HPSE2: variants seen among roughly 807,000 people sequenced by gnomAD.
The protein encoded by HPSE2 is inactive heparanase-2.
In HPSE2, 38 loss-of-function variants were observed where a neutral mutation model predicts 60.5. The ratio of observed to expected loss-of-function variants is 0.63; its 90% CI spans 0.48 to 0.82. HPSE2 has a LOEUF of 0.82. Ranked by LOEUF, HPSE2 falls within the 40% of genes least tolerant of loss-of-function variation. The pLI is 0.00. For missense variants in HPSE2, 713 were observed against 740.4 expected, an observed-to-expected ratio of 0.96 and a Z score of 0.43; for synonymous variants, 295 against 293.2, an observed-to-expected ratio of 1.01 and a Z score of -0.06.
chr10:99,101,589 A>G (rs1171775186), intron 3 of HPSE2, among the ~76,000 whole-genome samples: 1 of 152,214 alleles, frequency 6.6e-6, no homozygotes, highest in Non-Finnish European at 1.5e-5. Flanking sequence ...GACAGAAGTT[A>G]ACAAGGATAT....
intron 3 of HPSE2, among the ~76,000 whole-genome samples, chr10:99,043,276 A>G (rs1369758286): frequency 1.3e-5 from 2 of 152,138 alleles, no homozygotes; most frequent in African/African-American, 4.8e-5. Context: ...TGAGGTCAGG[A>G]GATCGAGACC....
chr10:98,772,036 A>G (rs1021513594), intron 3 of HPSE2, among the ~76,000 whole-genome samples: 15 of 152,304 alleles, frequency 9.8e-5, no homozygotes, highest in African/African-American at 3.6e-4. Context: ...AAGTTCAGTG[A>G]TGGCTGTTAT....
At chr10:98,900,691 T>C (rs550484056) in intron 3 of HPSE2, among the ~76,000 whole-genome samples, 54 of 152,152 alleles carry the variant, frequency 3.5e-4, no homozygotes, top group Non-Finnish European at 5.0e-4. Flanking sequence ...AGATAAAATG[T>C]AAAATACTAA....
chr10:98,865,860 G>C (rs1444656255), intron 3 of HPSE2, among the ~76,000 whole-genome samples: 1 of 152,068 alleles, frequency 6.6e-6, no homozygotes, highest in Non-Finnish European at 1.5e-5. Flanking sequence ...GCTCTAGACT[G>C]AACATTGCTC....
intron 6 of HPSE2, among the ~76,000 whole-genome samples, chr10:98,656,317 C>T (rs974302767): frequency 6.6e-6 from 1 of 152,138 alleles, no homozygotes; most frequent in Non-Finnish European, 1.5e-5. Context: ...AATCTCCTGA[C>T]CTCGTGATCC....
chr10:98,472,815 G>A (rs554482705), intron 11 of HPSE2, among the ~76,000 whole-genome samples: 5 of 124,074 alleles, frequency 4.0e-5, no homozygotes, highest in Non-Finnish European at 6.6e-5. Flanking sequence ...TGTATGTCAA[G>A]ATAATACTCT....
chr10:98,501,789 T>G (rs1942036168), intron 9 of HPSE2, among the ~76,000 whole-genome samples: 1 of 152,160 alleles, frequency 6.6e-6, no homozygotes, highest in Admixed American at 6.6e-5. Context: ...TCGTTTACTT[T>G]GAAACCCCTG....
upstream of HPSE2, among the ~76,000 whole-genome samples, chr10:99,238,325 A>T (rs1295526414): frequency 6.6e-6 from 1 of 152,188 alleles, no homozygotes; most frequent in Admixed American, 6.5e-5. Flanking sequence ...ACTTGAGTAT[A>T]ATGAGAATGC....
chr10:99,244,675 G>A, the HPSE2 span, among the ~76,000 whole-genome samples: 1 of 140,660 alleles, frequency 7.1e-6, no homozygotes, highest in African/African-American at 2.7e-5. Flanking sequence ...CCTCCCAAAT[G>A]CTGTGACTAC....
At chr10:98,544,712 C>CAA (rs58604325) in intron 9 of HPSE2, among the ~76,000 whole-genome samples, 3 of 71,022 alleles carry the variant, frequency 4.2e-5, no homozygotes, top group African/African-American at 1.2e-4. Context: ...GACTCCGTCT[C>CAA]AAAAAAAAAA....
At chr10:98,469,046 G>C (rs1187657309) in intron 11 of HPSE2, among the ~76,000 whole-genome samples, 2 of 152,162 alleles carry the variant, frequency 1.3e-5, no homozygotes, top group Non-Finnish European at 2.9e-5. Flanking sequence ...AGTTGTTAGG[G>C]ATATAGGCTT....
At chr10:99,157,542 T>C in intron 2 of HPSE2, among the ~76,000 whole-genome samples, 1 of 127,874 alleles carries the variant, frequency 7.8e-6, no homozygotes, top group East Asian at 2.4e-4. Flanking sequence ...GAAAACTGGC[T>C]AGCCATATGT....
intron 4 of HPSE2, 64 bp downstream of exon 4, chr10:98,743,819 T>A: frequency 6.8e-7 from 1 of 1,472,308 alleles, no homozygotes; most frequent in Non-Finnish European, 9.5e-7. Flanking sequence ...TGAGACTGTA[T>A]CACAAGCCAA....
chr10:99,180,106 T>C (rs1380832010), intron 2 of HPSE2, among the ~76,000 whole-genome samples: 1 of 152,060 alleles, frequency 6.6e-6, no homozygotes. Flanking sequence ...ATACAAAAAT[T>C]AACTCAAGAT....
At chr10:98,644,092 T>G (rs1284537026) in intron 6 of HPSE2, among the ~76,000 whole-genome samples, 1 of 152,150 alleles carries the variant, frequency 6.6e-6, no homozygotes, top group East Asian at 1.9e-4. Context: ...GGCCCATGGT[T>G]GAGGGTCCCT....
rs1220174727 is a variant in HPSE2 at position 98,614,996 on chromosome 10, G to C, written c.1228C>G (p.Leu410Val). Residue 410 changes from leucine (L) to valine (V), a missense_variant, in exon 9 of 12, where the codon CTG becomes GTG. Coordinates refer to ENST00000370552, the MANE Select transcript of HPSE2 (RefSeq NM_021828.5). ...GFLWLNTLGMLANQGIDVVIR... is the reference protein window; with the variant it reads ...GFLWLNTLGMVANQGIDVVIR... ...ACGACATCAATGCCCTGATTGGCCA[G>C]CATTCCTAAAGTGTTCAACCATCTA... 1 of 1,613,674 alleles carries C rather than the reference G, an allele frequency of 6.2e-7. No individual in the cohort carries two copies. Among genetic ancestry groups the C allele is most frequent in the Non-Finnish European group, 8.5e-7 (1 of 1,179,730 alleles).
At chr10:98,624,962 G>A (rs1283767509) in intron 7 of HPSE2, among the ~76,000 whole-genome samples, 2 of 152,164 alleles carry the variant, frequency 1.3e-5, no homozygotes, top group African/African-American at 2.4e-5. Context: ...TACCATTTTC[G>A]ATCCAAGTAA....
In HPSE2 at chr10:98,958,742, T is replaced by G. The variant is rs190961952; in HGVS notation, c.610+185496A>C. 2.6e-4 allele frequency among the ~76,000 whole-genome samples: 39 copies of G among 152,234 alleles called. 1 individual carries two copies. Among genetic ancestry groups the G allele is most frequent in the Admixed American group, 2.0e-3 (30 of 15,258 alleles). ...ACAGCTTCTTATGCTTATATGATAC[T>G]TATATGCCACATGGGGTAGGAAGGA... On this transcript the variant is annotated intron_variant, in intron 3 of 11. Coordinates refer to ENST00000370552, the MANE Select transcript of HPSE2 (RefSeq NM_021828.5).
At chr10:99,118,909 T>G (rs1171627770) in intron 3 of HPSE2, among the ~76,000 whole-genome samples, 1 of 151,306 alleles carries the variant, frequency 6.6e-6, no homozygotes. Flanking sequence ...CCCAGCTACT[T>G]GGGAGATGAG....
Sources: gnomAD v4.1 joint callset for allele counts (sites outside exome capture counted in the v4.1 genomes callset) on GRCh38, gnomAD v4.1.1 for gene constraint, MANE v1.5 for transcripts, NCBI Gene and HGNC (gene_info 2026-07-23, HGNC 2026-07-21) for gene names.